The following RPH3A variants were observed in gnomAD, a reference collection of about 807,000 sequenced individuals.
RPH3A encodes rabphilin-3A.
Under a neutral mutation model 102.2 loss-of-function variants are expected in RPH3A, and 48 were observed. That is an observed-to-expected ratio of 0.47 (90% CI 0.37 to 0.60). The LOEUF (loss-of-function observed/expected upper bound fraction) is 0.60. Ranked by LOEUF, RPH3A falls within the 20% of genes least tolerant of loss-of-function variation. The pLI, the probability that RPH3A is intolerant of heterozygous loss-of-function variation, is 0.00. For missense variants in RPH3A, 781 were observed against 910.1 expected (o/e 0.86, Z 1.83); for synonymous variants, 310 against 324.3 (o/e 0.96, Z 0.47).
At chr12:112,871,312 T>A (rs539130264) in intron 10 of RPH3A, among the ~76,000 whole-genome samples, 1 of 152,240 alleles carries the variant, frequency 6.6e-6, no homozygotes, top group Non-Finnish European at 1.5e-5. Flanking sequence ...TTTTTTGTCA[T>A]TACAAACTGA....
At position 112,875,035 on chromosome 12, in the gene RPH3A, G is replaced by A. The variant is rs766200212; in HGVS notation, c.797-49G>A. The A allele has an allele frequency of 4.8e-6, 7 of 1,454,088 alleles. No individual in the cohort carries two copies. The Admixed American group carries it at 7.8e-5, about 16-fold the overall frequency. The allele number at this position is 1,454,088 out of a possible 1,614,324, so 90.1% of individuals were successfully genotyped here. A position where few individuals can be genotyped will look rare whatever the true frequency, so the allele number is the denominator to read the frequency against. ...GTGGTCCCAAGCTCCTTCCTGCTGTGTGTGTGTGTGTGACACATAATGGCT... is the reference window on the plus strand; with the variant it reads ...GTGGTCCCAAGCTCCTTCCTGCTGTATGTGTGTGTGTGACACATAATGGCT... On this transcript the variant is annotated intron_variant, in intron 10 of 21. Transcript: ENST00000389385.
chr12:112,728,374 T>C (rs2040610672), intron 1 of RPH3A, among the ~76,000 whole-genome samples: 1 of 152,184 alleles, frequency 6.6e-6, no homozygotes, highest in Non-Finnish European at 1.5e-5. Flanking sequence ...CTATTTTTTT[T>C]TCCAATTCAT....
chr12:112,894,402 C>T, intron 19 of RPH3A, 176 bp from the exon 20 acceptor site: 1 of 632,752 alleles, frequency 1.6e-6, no homozygotes, highest in Non-Finnish European at 2.8e-6. Flanking sequence ...GCCTAAGTTG[C>T]TCAGTCAAGT....
At chr12:112,793,852 A>G (rs1290917038) in intron 2 of RPH3A, among the ~76,000 whole-genome samples, 1 of 152,156 alleles carries the variant, frequency 6.6e-6, no homozygotes, top group Non-Finnish European at 1.5e-5. Context: ...TTGCTGGATT[A>G]TGGAGAGGTT....
At position 112,817,594 on chromosome 12, in the gene RPH3A, T is replaced by C. The variant is rs1181636224; in HGVS notation, c.-18-10707T>C. ...CCACCCCCCGCACACGCAGCCTTTT[T>C]AGAGGAGGGAAGAAATTGGTCTTTG... On this transcript the variant is annotated intron_variant, in intron 2 of 21. Transcript: ENST00000389385. Among the ~76,000 whole-genome samples, 3 of 151,982 alleles carry C rather than the reference T, an allele frequency of 2.0e-5. No homozygotes were observed. In the East Asian group the frequency reaches 5.8e-4, roughly 29 times the overall value.
chr12:112,775,596 G>A (rs559784071), intron 1 of RPH3A, among the ~76,000 whole-genome samples: 1 of 152,286 alleles, frequency 6.6e-6, no homozygotes, highest in Non-Finnish European at 1.5e-5. Context: ...AATAGGAAAA[G>A]AATATAACTT....
intron 5 of RPH3A, among the ~76,000 whole-genome samples, chr12:112,859,752 G>A (rs2136209813): frequency 6.6e-6 from 1 of 152,298 alleles, no homozygotes; most frequent in Non-Finnish European, 1.5e-5. Context: ...CAAACAGGGA[G>A]CCGCTTTAAA....
At chr12:112,870,576 G>A (rs891437263) in intron 10 of RPH3A, among the ~76,000 whole-genome samples, 7 of 152,264 alleles carry the variant, frequency 4.6e-5, no homozygotes, top group Middle Eastern at 3.4e-3. Flanking sequence ...TGAAGGAAAT[G>A]TCTACCATAT....
chr12:112,690,886 T>TGG (rs11452563), intron 1 of RPH3A, among the ~76,000 whole-genome samples: 120 of 152,088 alleles, frequency 7.9e-4, no homozygotes, highest in South Asian at 1.3e-3. Context: ...TCCAAAAGCA[T>TGG]GGGGGGGATA....
intron 1 of RPH3A, among the ~76,000 whole-genome samples, chr12:112,759,768 A>G (rs968730522): frequency 6.6e-5 from 10 of 152,068 alleles, no homozygotes; most frequent in Admixed American, 6.5e-4. Context: ...CAGCCATTCT[A>G]ACTCTGGCAG....
In RPH3A at chr12:112,725,266, A is replaced by AC. The variant is rs1565861517; in HGVS notation, c.-139-66877_-139-66876insC. ...TTTGTCTCAGAAAAAAAAAAAAAAA[A>AC]AAAAAAAAAAAAACACGTTTTAATG... is the stretch of plus-strand genomic sequence containing the variant. On this transcript the variant is annotated intron_variant, in intron 1 of 21. Coordinates refer to the RPH3A transcript ENST00000543106. 2.0e-5 allele frequency among the ~76,000 whole-genome samples: 3 copies of AC among 150,270 alleles called. No homozygotes were observed. In the East Asian group the frequency reaches 5.8e-4, roughly 29 times the overall value.
At position 112,648,570 on chromosome 12, in the gene RPH3A, C is replaced by CAAAA. The variant is rs1167121829; in HGVS notation, c.-140+73276_-140+73279dup. Among the ~76,000 whole-genome samples, 6 of 11,044 alleles carry CAAAA rather than the reference C, an allele frequency of 5.4e-4. 1 individual carries two copies. Among genetic ancestry groups the CAAAA allele is most frequent in the African/African-American group, 2.4e-3 (6 of 2,480 alleles). 7.2% of individuals were successfully genotyped at this position (11,044 alleles called of 152,430 possible). On this transcript the variant is annotated intron_variant, in intron 1 of 21. Coordinates refer to the RPH3A transcript ENST00000543106. ...GCAACAGAGTGAAACCCCATCTCTA[C>CAAAA]AAAAAAAAAAAAAAAAAAAAAAAAA...
chr12:112,884,953 A>G (rs1158175231), intron 16 of RPH3A, among the ~76,000 whole-genome samples: 3 of 152,216 alleles, frequency 2.0e-5, no homozygotes, highest in Admixed American at 6.5e-5. Flanking sequence ...TGTACTTTAT[A>G]TAAATGAAAT....
At chr12:112,600,110 C>T (rs2039547939) in intron 1 of RPH3A, among the ~76,000 whole-genome samples, 1 of 152,194 alleles carries the variant, frequency 6.6e-6, no homozygotes, top group African/African-American at 2.4e-5. Flanking sequence ...AAAGAGATTG[C>T]ATAACATATA....
At chr12:112,870,701 C>T (rs112898822) in intron 10 of RPH3A, among the ~76,000 whole-genome samples, 2,992 of 152,268 alleles carry the variant, frequency 0.02, 123 homozygotes, top group African/African-American at 0.067. Flanking sequence ...TTATGTCCCA[C>T]ATACATCTGG....
chr12:112,870,792 G>T (rs1593108891), intron 10 of RPH3A, among the ~76,000 whole-genome samples: 1 of 152,138 alleles, frequency 6.6e-6, no homozygotes, highest in Non-Finnish European at 1.5e-5. Context: ...CGTACCTTGT[G>T]CTTCATAATC....
intron 1 of RPH3A, among the ~76,000 whole-genome samples, chr12:112,778,243 T>C (rs2040982206): frequency 6.6e-6 from 1 of 152,208 alleles, no homozygotes. Context: ...AGAGAGAGAT[T>C]ATATTTGGAA....
chr12:112,679,497 C>T (rs908459379), intron 1 of RPH3A, among the ~76,000 whole-genome samples: 2 of 152,114 alleles, frequency 1.3e-5, no homozygotes, highest in Non-Finnish European at 2.9e-5. Context: ...GCAATCTTGG[C>T]TCACTGCAAC....
chr12:112,712,904 CTCT>C lies in RPH3A; in HGVS notation c.-139-79221_-139-79219del, dbSNP rs1387688395. On this transcript the variant is annotated intron_variant, in intron 1 of 21. Transcript: ENST00000543106. ...TTTCTTCTTCTTCTTCTTCTTCTTC[CTCT>C]TCTTCTTCTTCTTCTTCCTCTTCTT... Among the ~76,000 whole-genome samples the C allele has an allele frequency of 9.3e-4, 86 of 92,564 alleles. 2 individuals are homozygous for C. Among genetic ancestry groups the C allele is most frequent in the Admixed American group, 1.8e-3 (17 of 9,250 alleles). The allele number at this position is 92,564 out of a possible 152,430, so 60.7% of individuals were successfully genotyped here.
Sources: gnomAD v4.1 joint callset for allele counts (sites outside exome capture counted in the v4.1 genomes callset) on GRCh38, gnomAD v4.1.1 for gene constraint, MANE v1.5 for transcripts, NCBI Gene and HGNC (gene_info 2026-07-23, HGNC 2026-07-21) for gene names.